The following ARPP21 variants were observed in gnomAD, a reference collection of about 807,000 sequenced individuals.
ARPP21 encodes cAMP regulated phosphoprotein 21.
In ARPP21, 69 loss-of-function variants were observed where a neutral mutation model predicts 113.2. The observed-to-expected ratio is 0.61, with a 90% CI of 0.50 to 0.74. ARPP21 has a LOEUF of 0.74. Ranked by LOEUF, ARPP21 falls within the 30% of genes least tolerant of loss-of-function variation. The pLI is 0.00. For missense variants in ARPP21, 1,070 were observed against 1,037.4 expected (o/e 1.03, Z -0.43); for synonymous variants, 368 against 375.5 (o/e 0.98, Z 0.23).
At chr3:35,762,606 G>A (rs572115954) in intron 19 of ARPP21, among the ~76,000 whole-genome samples, 17 of 152,114 alleles carry the variant, frequency 1.1e-4, no homozygotes, top group South Asian at 4.1e-4. Context: ...CATTTGATAC[G>A]AGTTGTGTCA....
chr3:35,724,176 A>G (rs1368616195), intron 14 of ARPP21, among the ~76,000 whole-genome samples: 4 of 152,226 alleles, frequency 2.6e-5, no homozygotes, highest in Non-Finnish European at 4.4e-5. Flanking sequence ...AAGGAAGCAT[A>G]TTACTGAAGT....
chr3:35,707,083 G>T lies in ARPP21; in HGVS notation c.795+1G>T. 2 of 1,610,032 alleles carry T rather than the reference G, an allele frequency of 1.2e-6. No individual in the cohort carries two copies. The highest frequency in any genetic ancestry group is 1.1e-5 in the South Asian group (1 of 90,462). ...TAGTATTGATAAAGAAGACAATCAG[G>T]TTGGTTCTCAAGTTTGAGAGTGGCT... On this transcript the variant is annotated splice_donor_variant, in intron 10 of 20. Coordinates refer to ENST00000684406, the MANE Select transcript of ARPP21 (RefSeq NM_001385562.1). LOFTEE classifies it high-confidence loss of function.
Position 35,769,696 on chromosome 3 carries a change from C to T in ARPP21, c.2138-22686C>T, listed in dbSNP as rs1292348792. On this transcript the variant is annotated intron_variant, in intron 19 of 20. Coordinates refer to ENST00000684406, the MANE Select transcript of ARPP21 (RefSeq NM_001385562.1). ...TCTTGGTTATCTTAGGTTCGCTAGG[C>T]TAACACTATCTCTATCTATCCTTCC... 1.1e-4 allele frequency among the ~76,000 whole-genome samples: 17 copies of T among 152,144 alleles called. No homozygotes were observed. The East Asian group carries it at 3.1e-3, about 28-fold the overall frequency.
chr3:35,733,754 C>G (rs1038599419), intron 15 of ARPP21, among the ~76,000 whole-genome samples: 1 of 152,180 alleles, frequency 6.6e-6, no homozygotes, highest in Non-Finnish European at 1.5e-5. Flanking sequence ...TTCTTTCCAT[C>G]TCCCCTTGGT....
At chr3:35,785,816 C>A (rs185092240) in intron 19 of ARPP21, among the ~76,000 whole-genome samples, 53 of 152,240 alleles carry the variant, frequency 3.5e-4, no homozygotes, top group African/African-American at 1.1e-3. Context: ...CCCTCAAATT[C>A]ATTTGGATAG....
intron 1 of ARPP21, among the ~76,000 whole-genome samples, chr3:35,662,210 G>T (rs990165635): frequency 2.0e-5 from 3 of 152,124 alleles, no homozygotes; most frequent in African/African-American, 7.2e-5. Flanking sequence ...AGTACCAATT[G>T]GCATACATGT....
Position 35,682,982 on chromosome 3 carries a change from G to A in ARPP21, c.171+93G>A, listed in dbSNP as rs142900509. The A allele has an allele frequency of 1.6e-4, 199 of 1,253,814 alleles. No homozygotes were observed. In the African/African-American group the frequency reaches 2.5e-3, roughly 16 times the overall value. The allele number at this position is 1,253,814 out of a possible 1,614,324, so 77.7% of individuals were successfully genotyped here. A position where few individuals can be genotyped will look rare whatever the true frequency, so the allele number is the denominator to read the frequency against. The stretch of plus-strand genomic sequence containing the variant: ...TAAAGGATTTGCCAGCATTTCAGAT[G>A]ATTGTGTCCAGATATTGTGGGGCAT... On this transcript the variant is annotated intron_variant, in intron 4 of 20. Coordinates refer to ENST00000684406, the MANE Select transcript of ARPP21 (RefSeq NM_001385562.1).
intron 10 of ARPP21, 100 bp from the exon 11 acceptor site, chr3:35,708,869 G>A (rs1576128303): frequency 3.9e-6 from 3 of 778,128 alleles, no homozygotes; most frequent in South Asian, 1.7e-5. Flanking sequence ...GGCTCCATTT[G>A]TTTAAGTGAA....
intron 1 of ARPP21, among the ~76,000 whole-genome samples, chr3:35,662,080 A>G (rs1467668839): frequency 6.6e-6 from 1 of 152,164 alleles, no homozygotes; most frequent in Non-Finnish European, 1.5e-5. Context: ...CTGAGAGTTA[A>G]AGGTCAAAAT....
At chr3:35,660,931 G>C (rs1707494127) in intron 1 of ARPP21, among the ~76,000 whole-genome samples, 1 of 152,210 alleles carries the variant, frequency 6.6e-6, no homozygotes, top group Non-Finnish European at 1.5e-5. Context: ...GAAAAACAAA[G>C]AAAATATGTA....
chr3:35,645,985 T>C (rs1253213754), intron 1 of ARPP21, among the ~76,000 whole-genome samples: 1 of 151,976 alleles, frequency 6.6e-6, no homozygotes, highest in East Asian at 1.9e-4. Context: ...TTTCTAAAAG[T>C]TTTATGGTCC....
Position 35,671,053 on chromosome 3 carries a change from C to T in ARPP21, c.-212-8734C>T, listed in dbSNP as rs141443093. Among the ~76,000 whole-genome samples, 14 of 152,242 alleles carry T rather than the reference C, an allele frequency of 9.2e-5. No individual in the cohort carries two copies. In the South Asian group the frequency reaches 1.9e-3, roughly 20 times the overall value. ...TCTTTTGCATATTTATTTTCATATG[C>T]CATACATTTGCTGTACCAGAGTCTC... On this transcript the variant is annotated intron_variant, in intron 1 of 20. Transcript: ENST00000684406.
intron 8 of ARPP21, 81 bp from the exon 9 acceptor site, chr3:35,690,784 T>A: frequency 1.5e-6 from 2 of 1,293,646 alleles, no homozygotes; most frequent in Non-Finnish European, 2.1e-6. Context: ...GAAGAAATAG[T>A]TTTGTGTGTA....
intron 4 of ARPP21, 95 bp downstream of exon 4, chr3:35,682,984 T>C (rs2149487532): frequency 5.7e-6 from 7 of 1,238,326 alleles, no homozygotes; most frequent in East Asian, 2.4e-5. Context: ...TTTCAGATGA[T>C]TGTGTCCAGA....
intron 14 of ARPP21, among the ~76,000 whole-genome samples, chr3:35,728,510 G>A (rs1168628387): frequency 6.9e-6 from 1 of 145,404 alleles, no homozygotes; most frequent in East Asian, 2.2e-4. Flanking sequence ...GAACCACTGT[G>A]CCCAGCCCAT....
chr3:35,646,955 T>G (rs1700473936), intron 1 of ARPP21, among the ~76,000 whole-genome samples: 1 of 152,146 alleles, frequency 6.6e-6, no homozygotes, highest in Non-Finnish European at 1.5e-5. Context: ...TCACAACACT[T>G]TTTTGTGTGG....
intron 1 of ARPP21, among the ~76,000 whole-genome samples, chr3:35,667,944 A>G (rs1975579): frequency 5.0e-5 from 7 of 138,968 alleles, no homozygotes; most frequent in African/African-American, 1.4e-4. Context: ...GAAGGAGAAG[A>G]AGAAAAGAAG....
intron 14 of ARPP21, among the ~76,000 whole-genome samples, chr3:35,722,504 AAACTCTAGTTATTATTCATTTTTAT>A (rs2093184199): frequency 6.6e-6 from 1 of 152,210 alleles, no homozygotes; most frequent in Admixed American, 6.5e-5. Flanking sequence ...AACCCCCAAT[AAACTCTAGTTATTATTCATTTTTAT>A]TACTGCCATT....
At chr3:35,684,838 A>T in intron 5 of ARPP21, 2 of 980,182 alleles carry the variant, frequency 2.0e-6, no homozygotes, top group Non-Finnish European at 2.4e-6. Flanking sequence ...CATGCCACTC[A>T]TGTCATAAGG....
Sources: gnomAD v4.1 joint callset for allele counts (sites outside exome capture counted in the v4.1 genomes callset) on GRCh38, gnomAD v4.1.1 for gene constraint, MANE v1.5 for transcripts, NCBI Gene and HGNC (gene_info 2026-07-23, HGNC 2026-07-21) for gene names.